The following STT3B variants were observed in gnomAD, a reference collection of about 807,000 sequenced individuals.
The protein encoded by STT3B is dolichyl-diphosphooligosaccharide--protein glycosyltransferase subunit STT3B.
In STT3B, 29 loss-of-function variants were observed where a neutral mutation model predicts 96.8. The observed-to-expected ratio is 0.30, with a 90% CI of 0.22 to 0.41. STT3B has a LOEUF of 0.41. Among genes scored for constraint, STT3B ranks in the 10% least tolerant of loss-of-function variants. The pLI is 1.00. For synonymous variants in STT3B, 367 were observed against 360.0 expected (o/e 1.02, Z -0.22); for missense variants, 640 against 1,022.3 (o/e 0.63, Z 5.10).
chr3:31,627,222 C>T (rs1469053208), intron 13 of STT3B, among the ~76,000 whole-genome samples: 1 of 152,194 alleles, frequency 6.6e-6, no homozygotes, highest in Non-Finnish European at 1.5e-5. Flanking sequence ...GCCGCCTGAG[C>T]TCCGCCTCCT....
At chr3:31,548,117 C>T (rs772367703) in intron 1 of STT3B, among the ~76,000 whole-genome samples, 60 of 152,148 alleles carry the variant, frequency 3.9e-4, no homozygotes, top group Non-Finnish European at 7.1e-4. Context: ...GATTGAGCCT[C>T]ATTTGTTTTT....
chr3:31,608,134 CTTTACTG>C (rs1461254391), intron 5 of STT3B, among the ~76,000 whole-genome samples: 3 of 152,054 alleles, frequency 2.0e-5, no homozygotes, highest in Admixed American at 1.3e-4. Flanking sequence ...ATTGTTTTGC[CTTTACTG>C]TTTATTGTAC....
intron 1 of STT3B, among the ~76,000 whole-genome samples, chr3:31,535,352 T>G (rs990725550): frequency 3.3e-5 from 5 of 151,390 alleles, no homozygotes; most frequent in Non-Finnish European, 7.4e-5. Flanking sequence ...TTTTTTTTAG[T>G]GTAGCTAAGT....
At position 31,604,335 on chromosome 3, in the gene STT3B, A is replaced by G. The variant is rs547013529; in HGVS notation, c.877+3876A>G. Among the ~76,000 whole-genome samples, 3 of 152,278 alleles carry G rather than the reference A, an allele frequency of 2.0e-5. No individual in the cohort carries two copies. The East Asian group carries it at 5.8e-4, about 29-fold the overall frequency. Reference sequence around the variant, plus strand: ...TTGAGTACATTAAAAGTAAAGCCAAATTATTAGGAGTCACATTTATACTTG... The same window carrying G: ...TTGAGTACATTAAAAGTAAAGCCAAGTTATTAGGAGTCACATTTATACTTG... On this transcript the variant is annotated intron_variant, in intron 5 of 15. Transcript: ENST00000295770.
rs1389375275 is a variant in STT3B at position 31,572,005 on chromosome 3, T to C, written c.315-4391T>C. 3.6e-5 allele frequency among the ~76,000 whole-genome samples: 5 copies of C among 140,608 alleles called. No homozygotes were observed. In the East Asian group the frequency reaches 9.9e-4, roughly 28 times the overall value. 92.2% of individuals were successfully genotyped at this position (140,608 alleles called of 152,430 possible). On this transcript the variant is annotated intron_variant, in intron 1 of 15. Coordinates refer to ENST00000295770, the MANE Select transcript of STT3B (RefSeq NM_178862.3). ...TATTAAATATATTAATACATAATTA[T>C]TTTATTAAACATATTAATATATATT...
chr3:31,623,848 T>C lies in STT3B; in HGVS notation c.1714T>C (p.Tyr572His), dbSNP rs373184320. 18 of 1,603,894 alleles carry C rather than the reference T, an allele frequency of 1.1e-5. 1 individual carries two copies. The highest frequency in any genetic ancestry group is 1.5e-5 in the Non-Finnish European group (18 of 1,174,066). The change falls in exon 11 of 16, where the codon TAC becomes CAC. Residue 572 changes from tyrosine (Y) to histidine (H), a missense_variant. Coordinates refer to ENST00000295770, the MANE Select transcript of STT3B (RefSeq NM_178862.3). ...TAGTCCAAGTGTAGTCCTGGCCTCA[T>C]ACAATCATGATGGGTAAGAAAATAA... ...YSSPSVVLAS[Y>H]NHDGTRNILD...
chr3:31,609,512 G>A (rs559683645), intron 5 of STT3B, among the ~76,000 whole-genome samples: 1 of 152,296 alleles, frequency 6.6e-6, no homozygotes, highest in African/African-American at 2.4e-5. Flanking sequence ...CTTAAACCAA[G>A]ATGTACTTTG....
At chr3:31,586,670 C>T (rs571371504) in intron 3 of STT3B, among the ~76,000 whole-genome samples, 2 of 152,140 alleles carry the variant, frequency 1.3e-5, no homozygotes, top group East Asian at 3.9e-4. Context: ...CTTTGGTAAC[C>T]TTGTCAAAAT....
chr3:31,627,063 C>A (rs982510792), intron 13 of STT3B, among the ~76,000 whole-genome samples: 2 of 152,148 alleles, frequency 1.3e-5, no homozygotes. Flanking sequence ...AAGCCCTTTT[C>A]TGGTATACTC....
chr3:31,624,247 C>T (rs1328241549), intron 11 of STT3B, among the ~76,000 whole-genome samples: 7 of 152,214 alleles, frequency 4.6e-5, no homozygotes, highest in Admixed American at 3.9e-4. Flanking sequence ...CCCCTGCCAG[C>T]CTCTGCCTTG....
At chr3:31,533,381 G>A (rs1356559043) in intron 1 of STT3B, 69 bp downstream of exon 1, 4 of 1,392,246 alleles carry the variant, frequency 2.9e-6, no homozygotes, top group African/African-American at 1.5e-5. Context: ...TCCGCCCGCC[G>A]CAGCTCTCCT....
rs964173367 is a variant in STT3B at position 31,636,129 on chromosome 3, T to A, written c.*65T>A. 6 of 1,281,060 alleles carry A rather than the reference T, an allele frequency of 4.7e-6. No individual in the cohort carries two copies. Among genetic ancestry groups the A allele is most frequent in the Admixed American group, 4.5e-5 (2 of 44,384 alleles). 79.4% of individuals were successfully genotyped at this position (1,281,060 alleles called of 1,614,324 possible). ...GTGAGAACCGGTCTTTGCCTTTAGC[T>A]CATGTCGTGTTTCACAGCAAAGAGG... is the stretch of plus-strand genomic sequence containing the variant. On this transcript the variant is annotated 3_prime_UTR_variant, in exon 16 of 16. Transcript: ENST00000295770.
chr3:31,624,858 T>G (rs1359501331), intron 11 of STT3B, 56 bp from the exon 12 acceptor site: 1 of 1,410,240 alleles, frequency 7.1e-7, no homozygotes, highest in Non-Finnish European at 9.8e-7. Context: ...AGATTTTAAG[T>G]TAGCCTCTTC....
At chr3:31,560,585 T>C (rs1697851381) in intron 1 of STT3B, among the ~76,000 whole-genome samples, 3 of 152,142 alleles carry the variant, frequency 2.0e-5, no homozygotes. Flanking sequence ...TCCCTTTCTT[T>C]CCTGGCCTAT....
At chr3:31,549,458 G>A (rs1277461104) in intron 1 of STT3B, among the ~76,000 whole-genome samples, 1 of 151,844 alleles carries the variant, frequency 6.6e-6, no homozygotes, top group Non-Finnish European at 1.5e-5. Flanking sequence ...CACCGAGACT[G>A]TCCTCAGAAA....
intron 1 of STT3B, among the ~76,000 whole-genome samples, chr3:31,553,101 CAAAA>C (rs558668757): frequency 1.6e-5 from 1 of 63,110 alleles, no homozygotes. Context: ...AACTCCGTCT[CAAAA>C]AAAAAAAAAA....
intron 5 of STT3B, among the ~76,000 whole-genome samples, chr3:31,605,124 G>A (rs1312619596): frequency 6.6e-6 from 1 of 152,118 alleles, no homozygotes; most frequent in Middle Eastern, 3.2e-3. Context: ...AGACAAAAGA[G>A]TTCAAGAGGC....
chr3:31,557,749 C>T (rs540058328), intron 1 of STT3B, among the ~76,000 whole-genome samples: 3 of 152,338 alleles, frequency 2.0e-5, no homozygotes, highest in South Asian at 4.1e-4. Context: ...TGTCCTGCCT[C>T]GGCCTCCCGA....
At chr3:31,557,736 C>T (rs1027350562) in intron 1 of STT3B, among the ~76,000 whole-genome samples, 1 of 152,138 alleles carries the variant, frequency 6.6e-6, no homozygotes, top group Non-Finnish European at 1.5e-5. Flanking sequence ...GGGTTCACAC[C>T]ATTGTCCTGC....
Sources: allele counts gnomAD v4.1 joint callset (sites outside exome capture counted in the v4.1 genomes callset), GRCh38; gene constraint gnomAD v4.1.1; transcripts MANE v1.5; gene names NCBI Gene and HGNC (gene_info 2026-07-23, HGNC 2026-07-21).